Variants in SNCAIP observed in about 807,000 individuals in gnomAD.
SNCAIP encodes the protein synuclein alpha interacting protein, also known as synphilin-1.
Under a neutral mutation model 86.7 loss-of-function variants are expected in SNCAIP, and 43 were observed. The ratio of observed to expected loss-of-function variants is 0.50; its 90% CI spans 0.39 to 0.64. SNCAIP has a LOEUF of 0.64. Ranked by LOEUF, SNCAIP falls within the 30% of genes least tolerant of loss-of-function variation. SNCAIP has a pLI of 0.00. For synonymous variants in SNCAIP, 417 were observed against 427.2 expected (o/e 0.98, Z 0.29); for missense variants, 981 against 1,103.1 (o/e 0.89, Z 1.57).
At chr5:122,462,449 T>C (rs1282269703) in intron 10 of SNCAIP, among the ~76,000 whole-genome samples, 2 of 152,218 alleles carry the variant, frequency 1.3e-5, no homozygotes, top group African/African-American at 2.4e-5. Context: ...ATCCATCATG[T>C]TTAATTGGAA....
At chr5:122,425,961 G>A (rs1222429638) in intron 5 of SNCAIP, among the ~76,000 whole-genome samples, 1 of 152,202 alleles carries the variant, frequency 6.6e-6, no homozygotes, top group Non-Finnish European at 1.5e-5. Flanking sequence ...CACATCTGAA[G>A]TTTGAGTGTC....
intron 8 of SNCAIP, among the ~76,000 whole-genome samples, chr5:122,448,727 TTATA>T (rs565840571): frequency 6.3e-4 from 84 of 134,154 alleles, no homozygotes; most frequent in Middle Eastern, 7.5e-3. Flanking sequence ...TATATATGTT[TTATA>T]TATATATATA....
chr5:122,332,613 C>T (rs1404052536), intron 1 of SNCAIP, among the ~76,000 whole-genome samples: 1 of 152,240 alleles, frequency 6.6e-6, no homozygotes, highest in African/African-American at 2.4e-5. Flanking sequence ...TGTAGCTAAG[C>T]TGCGGGAGAA....
At chr5:122,416,239 G>A (rs753959834) in intron 3 of SNCAIP, among the ~76,000 whole-genome samples, 6 of 152,172 alleles carry the variant, frequency 3.9e-5, no homozygotes, top group East Asian at 1.9e-4. Flanking sequence ...AACATGAATC[G>A]GACACATTCA....
At chr5:122,444,450 C>T (rs1781836687) in intron 7 of SNCAIP, 113 bp from the exon 8 acceptor site, 2 of 930,032 alleles carry the variant, frequency 2.2e-6, no homozygotes, top group Admixed American at 1.7e-5. Context: ...GTGATATTGA[C>T]TGCTGAAAGG....
intron 3 of SNCAIP, among the ~76,000 whole-genome samples, chr5:122,404,442 C>A (rs1410335757): frequency 6.6e-6 from 1 of 152,162 alleles, no homozygotes; most frequent in Non-Finnish European, 1.5e-5. Flanking sequence ...ACACCCCCAA[C>A]CCCCAAGAAT....
At chr5:122,324,416 A>G (rs192271034) in intron 1 of SNCAIP, among the ~76,000 whole-genome samples, 3 of 152,330 alleles carry the variant, frequency 2.0e-5, no homozygotes, top group Admixed American at 1.3e-4. Flanking sequence ...ACTAATTCCT[A>G]TAGAAAGCCA....
At chr5:122,369,143 T>C (rs768005980) in intron 1 of SNCAIP, among the ~76,000 whole-genome samples, 14 of 152,148 alleles carry the variant, frequency 9.2e-5, no homozygotes, top group Non-Finnish European at 2.1e-4. Flanking sequence ...CAGAATCAAG[T>C]TTCAGCCATC....
rs148332378 is a variant in SNCAIP at position 122,332,697 on chromosome 5, C to T, written c.-47+20413C>T. Among the ~76,000 whole-genome samples the T allele has an allele frequency of 4.6e-5, 7 of 152,322 alleles. No individual in the cohort carries two copies. In the East Asian group the frequency reaches 9.6e-4, roughly 21 times the overall value. On this transcript the variant is annotated intron_variant, in intron 1 of 10. Coordinates refer to ENST00000261368, the MANE Select transcript of SNCAIP (RefSeq NM_005460.4). ...CAGTGGCACTGGAAGGAAAACCATTCTGATGCCATTTTAATTTTCCTTTCC... is the reference window on the plus strand; with the variant it reads ...CAGTGGCACTGGAAGGAAAACCATTTTGATGCCATTTTAATTTTCCTTTCC...
chr5:122,363,572 A>G (rs1762596348), intron 1 of SNCAIP, among the ~76,000 whole-genome samples: 1 of 152,100 alleles, frequency 6.6e-6, no homozygotes, highest in Non-Finnish European at 1.5e-5. Context: ...ATGTAAACAC[A>G]AGTGTGTTTA....
chr5:122,449,531 T>C (rs1290218041), intron 8 of SNCAIP, among the ~76,000 whole-genome samples: 1 of 152,204 alleles, frequency 6.6e-6, no homozygotes. Context: ...TCTATGTCCA[T>C]AGATACTCAA....
chr5:122,434,611 C>A (rs1178083896), intron 6 of SNCAIP, among the ~76,000 whole-genome samples: 2 of 152,072 alleles, frequency 1.3e-5, no homozygotes, highest in Non-Finnish European at 1.5e-5. Context: ...TTTTTTATGA[C>A]CTAAAATACA....
chr5:122,354,492 C>A (rs1407030476), intron 1 of SNCAIP, among the ~76,000 whole-genome samples: 1 of 152,148 alleles, frequency 6.6e-6, no homozygotes, highest in African/African-American at 2.4e-5. Context: ...TTTGATCAGG[C>A]TCTCATCTGC....
Position 122,427,388 on chromosome 5 carries a change from TTC to T in SNCAIP, c.1182+1858_1182+1859del, listed in dbSNP as rs201953797. On this transcript the variant is annotated intron_variant, in intron 5 of 10. Coordinates refer to ENST00000261368, the MANE Select transcript of SNCAIP (RefSeq NM_005460.4). ...CTTAAACAGCAGTGTTTTTTTTTTTTTCATTTTAATGAAAAAGATTTCAAACC... is the reference window on the plus strand; with the variant it reads ...CTTAAACAGCAGTGTTTTTTTTTTTTATTTTAATGAAAAAGATTTCAAACC... 2.8e-3 allele frequency among the ~76,000 whole-genome samples: 430 copies of T among 152,164 alleles called. 2 individuals are homozygous for T. The highest frequency in any genetic ancestry group is 0.01 in the African/African-American group (416 of 41,522).
intron 5 of SNCAIP, among the ~76,000 whole-genome samples, chr5:122,425,858 A>G (rs1561741558): frequency 6.6e-6 from 1 of 152,320 alleles, no homozygotes; most frequent in South Asian, 2.1e-4. Flanking sequence ...TCCTAATATG[A>G]CAATAATGAG....
At chr5:122,342,671 T>TA (rs780436820) in intron 1 of SNCAIP, among the ~76,000 whole-genome samples, 1 of 152,196 alleles carries the variant, frequency 6.6e-6, no homozygotes, top group Non-Finnish European at 1.5e-5. Context: ...ATTCTTCAGG[T>TA]AACTGGTGGT....
intron 1 of SNCAIP, among the ~76,000 whole-genome samples, chr5:122,352,688 A>G (rs545260608): frequency 1.3e-5 from 2 of 152,328 alleles, no homozygotes; most frequent in African/African-American, 4.8e-5. Flanking sequence ...CATAGTCAAT[A>G]TGACATGGCT....
intron 3 of SNCAIP, among the ~76,000 whole-genome samples, chr5:122,404,489 T>C (rs575592636): frequency 2.6e-5 from 4 of 152,188 alleles, no homozygotes; most frequent in African/African-American, 9.6e-5. Flanking sequence ...CCTCTGTAAA[T>C]CAAATTAAGC....
intron 10 of SNCAIP, among the ~76,000 whole-genome samples, chr5:122,460,692 G>A (rs949114976): frequency 7.9e-5 from 12 of 152,226 alleles, no homozygotes; most frequent in African/African-American, 2.9e-4. Flanking sequence ...TCATTATGTT[G>A]TCCTATGTTA....
Sources: gnomAD v4.1 joint callset for allele counts (sites outside exome capture counted in the v4.1 genomes callset) on GRCh38, gnomAD v4.1.1 for gene constraint, MANE v1.5 for transcripts, NCBI Gene and HGNC (gene_info 2026-07-23, HGNC 2026-07-21) for gene names.